CSMD3: variants seen among roughly 807,000 people sequenced by gnomAD.
The protein encoded by CSMD3 is CUB and sushi domain-containing protein 3.
In CSMD3, 177 loss-of-function variants were observed where a neutral mutation model predicts 435.2. The ratio of observed to expected loss-of-function variants is 0.41; its 90% CI spans 0.36 to 0.46. CSMD3 has a LOEUF of 0.46. CSMD3 is among the 20% of genes least tolerant of loss of function. The probability of loss-of-function intolerance (pLI) is 0.34; values close to 1 mark genes in which losing one functional copy is unlikely to be tolerated. For synonymous variants in CSMD3, 1,656 were observed against 1,520.5 expected (o/e 1.09, Z -2.07); for missense variants, 4,265 against 4,504.6 (o/e 0.95, Z 1.52).
At chr8:113,244,349 G>C (rs1660392881) in intron 3 of CSMD3, among the ~76,000 whole-genome samples, 2 of 152,118 alleles carry the variant, frequency 1.3e-5, no homozygotes, top group Admixed American at 1.3e-4. Flanking sequence ...GGAGTCTCAT[G>C]CTGTTGCCCA....
intron 32 of CSMD3, among the ~76,000 whole-genome samples, chr8:112,467,915 C>T (rs1450602261): frequency 6.6e-6 from 1 of 152,132 alleles, no homozygotes; most frequent in East Asian, 1.9e-4. Flanking sequence ...ACATTGATTT[C>T]AGGCATCCAG....
At chr8:112,276,137 C>T (rs537744735) in intron 59 of CSMD3, among the ~76,000 whole-genome samples, 16 of 152,306 alleles carry the variant, frequency 1.1e-4, no homozygotes, top group African/African-American at 3.8e-4. Context: ...CTACAGGCCC[C>T]ACACAAGTCC....
chr8:112,605,807 G>C (rs1832748171), intron 22 of CSMD3, among the ~76,000 whole-genome samples: 1 of 152,106 alleles, frequency 6.6e-6, no homozygotes, highest in African/African-American at 2.4e-5. Flanking sequence ...AAAAATACCT[G>C]TTTTCACGGC....
At chr8:112,790,723 A>G (rs553079834) in intron 13 of CSMD3, among the ~76,000 whole-genome samples, 3 of 152,312 alleles carry the variant, frequency 2.0e-5, no homozygotes, top group East Asian at 1.9e-4. Flanking sequence ...ACATTTAAAA[A>G]ATGAATTGTG....
chr8:112,564,425 C>CT lies in CSMD3; in HGVS notation c.4043-7472dup, dbSNP rs536423972. Among the ~76,000 whole-genome samples the CT allele has an allele frequency of 3.5e-3, 515 of 145,990 alleles. 2 individuals are homozygous for CT. The highest frequency in any genetic ancestry group is 0.012 in the African/African-American group (497 of 39,858). The stretch of plus-strand genomic sequence containing the variant: ...CCTCTCCTCTCCTTTCCATTCCTTT[C>CT]TTTTTTTCCGGGACTTGGTCGGGAA... On this transcript the variant is annotated intron_variant, in intron 24 of 70. Coordinates refer to ENST00000297405, the MANE Select transcript of CSMD3 (RefSeq NM_198123.2).
rs1225498072 is a variant in CSMD3 at position 112,337,675 on chromosome 8, C to G, written c.6709G>C (p.Gly2237Arg). The G allele has an allele frequency of 6.2e-7, 1 of 1,613,442 alleles. No individual in the cohort carries two copies. The highest frequency in any genetic ancestry group is 2.2e-5 in the East Asian group (1 of 44,854). ...GTTTGACCCACAGTAAAATCATTAC[C>G]AATTACAAAACCATTTCGAAACGGG... ...PRPFRNGFVI[G>R]NDFTVGQTIS... Residue 2237 changes from glycine (G) to arginine (R), a missense_variant, in exon 43 of 71, where the codon GGT (glycine) becomes CGT (arginine). Physicochemically the swap from Gly to Arg is moderately radical, Grantham distance 125. Around this residue, in one of 3 missense-constraint regions of CSMD3, gnomAD observed 3,255 missense variants for 3,380.2 expected, o/e 0.96. Transcript: ENST00000297405.
intron 1 of CSMD3, chr8:113,376,857 T>C: frequency 1.2e-6 from 2 of 1,611,714 alleles, no homozygotes; most frequent in Non-Finnish European, 1.7e-6. Context: ...CTCTGCCCCT[T>C]TCCCGGATGA....
At chr8:112,460,443 A>T (rs1013033123) in intron 32 of CSMD3, among the ~76,000 whole-genome samples, 1 of 151,858 alleles carries the variant, frequency 6.6e-6, no homozygotes, top group Non-Finnish European at 1.5e-5. Context: ...ACTAGATTGA[A>T]AGTCAAATTC....
At chr8:112,894,974 G>A (rs936258461) in intron 10 of CSMD3, among the ~76,000 whole-genome samples, 1 of 151,276 alleles carries the variant, frequency 6.6e-6, no homozygotes, top group Non-Finnish European at 1.5e-5. Context: ...CTTTTTGCTA[G>A]AATGGAAAAG....
intron 4 of CSMD3, among the ~76,000 whole-genome samples, chr8:113,132,673 T>G (rs2131689891): frequency 6.6e-6 from 1 of 152,206 alleles, no homozygotes; most frequent in South Asian, 2.1e-4. Flanking sequence ...TATAGTAGTG[T>G]GAAAGCGAAC....
intron 13 of CSMD3, among the ~76,000 whole-genome samples, chr8:112,690,809 T>C (rs947669442): frequency 6.6e-6 from 1 of 152,182 alleles, no homozygotes; most frequent in South Asian, 2.1e-4. Flanking sequence ...TAAATTATTG[T>C]GGTGGTTGAT....
chr8:113,110,903 A>C (rs1338531537), intron 4 of CSMD3, among the ~76,000 whole-genome samples: 1 of 152,290 alleles, frequency 6.6e-6, no homozygotes, highest in East Asian at 1.9e-4. Context: ...ACTGGTGAGG[A>C]CCCACTTTGT....
chr8:112,537,468 C>T (rs980919598), intron 27 of CSMD3, among the ~76,000 whole-genome samples: 1 of 151,674 alleles, frequency 6.6e-6, no homozygotes, highest in Admixed American at 6.6e-5. Context: ...AAAAGATAAA[C>T]TAAATTAACA....
chr8:112,426,484 C>T (rs889066592), intron 32 of CSMD3, among the ~76,000 whole-genome samples: 2 of 152,118 alleles, frequency 1.3e-5, no homozygotes, highest in African/African-American at 2.4e-5. Flanking sequence ...TGAAGCCAGA[C>T]TTCACAGATT....
chr8:112,645,543 C>T (rs999091158), intron 19 of CSMD3, among the ~76,000 whole-genome samples: 6 of 144,836 alleles, frequency 4.1e-5, no homozygotes, highest in South Asian at 2.2e-4. Flanking sequence ...TTAACAGTTG[C>T]TCTTATTAAG....
intron 4 of CSMD3, among the ~76,000 whole-genome samples, chr8:113,172,299 A>G (rs1225975316): frequency 3.9e-5 from 6 of 152,138 alleles, no homozygotes; most frequent in Non-Finnish European, 5.9e-5. Flanking sequence ...TCAGTTTCCT[A>G]TTATAGTGAA....
intron 22 of CSMD3, among the ~76,000 whole-genome samples, chr8:112,628,130 C>T (rs557896881): frequency 1.8e-4 from 27 of 152,208 alleles, no homozygotes; most frequent in Middle Eastern, 3.4e-3. Flanking sequence ...ATTGGTCCCT[C>T]GCAATCTTGT....
intron 1 of CSMD3, among the ~76,000 whole-genome samples, chr8:113,334,014 T>C (rs904442120): frequency 1.3e-5 from 2 of 151,858 alleles, no homozygotes; most frequent in Non-Finnish European, 2.9e-5. Flanking sequence ...ATCCTAAGTA[T>C]TTTATATTTT....
chr8:113,259,135 G>A (rs879819780), intron 3 of CSMD3, among the ~76,000 whole-genome samples: 1 of 152,116 alleles, frequency 6.6e-6, no homozygotes, highest in Non-Finnish European at 1.5e-5. Flanking sequence ...ATTCCATCCT[G>A]TCCTTATATG....
Sources: gnomAD v4.1 joint callset for allele counts (sites outside exome capture counted in the v4.1 genomes callset) on GRCh38, gnomAD v4.1.1 for gene constraint, gnomAD v4.1.1 regional missense constraint, MANE v1.5 for transcripts, NCBI Gene and HGNC (gene_info 2026-07-23, HGNC 2026-07-21) for gene names.